The following EIPR1 variants were observed in gnomAD, a reference collection of about 807,000 sequenced individuals.
EIPR1 encodes the protein EARP and GARP complex-interacting protein 1.
EIPR1 carries 25 observed loss-of-function variants against 48.1 expected under a neutral mutation model. The observed-to-expected ratio is 0.52, with a 90% CI of 0.38 to 0.73. EIPR1 has a LOEUF of 0.73. Ranked by LOEUF, EIPR1 falls within the 30% of genes least tolerant of loss-of-function variation. The probability of loss-of-function intolerance (pLI) is 0.00; values close to 1 mark genes in which losing one functional copy is unlikely to be tolerated. For synonymous variants in EIPR1, 204 were observed against 201.9 expected (o/e 1.01, Z -0.09); for missense variants, 415 against 506.2 (o/e 0.82, Z 1.73).
intron 4 of EIPR1, among the ~76,000 whole-genome samples, chr2:3,246,776 AAAGG>A (rs1666811057): frequency 8.6e-6 from 1 of 116,526 alleles, no homozygotes; most frequent in Admixed American, 8.4e-5. Flanking sequence ...AGGGAGGGAG[AAAGG>A]GAGAAACGGA....
chr2:3,294,311 C>A (rs374896486), intron 3 of EIPR1, among the ~76,000 whole-genome samples: 1 of 150,036 alleles, frequency 6.7e-6, no homozygotes, highest in East Asian at 2.0e-4. Flanking sequence ...CCAGCCGATC[C>A]TCTCTGCACA....
rs1428820344 is a variant in EIPR1 at position 3,197,020 on chromosome 2, G to C, written c.517-3C>G. On this transcript the variant is annotated splice_region_variant and splice_polypyrimidine_tract_variant and intron_variant, in intron 5 of 8. Coordinates refer to ENST00000382125, the MANE Select transcript of EIPR1 (RefSeq NM_003310.5). ...TCCAGGGACGCTGAGCTGGCCAGCTGGGAGTGTCACGATGTTTTCCAAAGG... is the reference window on the plus strand; with the variant it reads ...TCCAGGGACGCTGAGCTGGCCAGCTCGGAGTGTCACGATGTTTTCCAAAGG... 1 of 1,613,608 alleles carries C rather than the reference G, an allele frequency of 6.2e-7. No homozygotes were observed. The highest frequency in any genetic ancestry group is 8.5e-7 in the Non-Finnish European group (1 of 1,179,940).
rs547266428 is a variant in EIPR1, at chr2:3,194,181, AGAAC to A, written c.654-19_654-16del. ...AGTAGATCTGGCTGAGGGAGAAGGA[AGAAC>A]AGCAAAGGAAAATAGTAAATGGATT... On this transcript the variant is annotated splice_polypyrimidine_tract_variant and intron_variant, in intron 6 of 8. Coordinates refer to ENST00000382125, the MANE Select transcript of EIPR1 (RefSeq NM_003310.5). 6.2e-7 allele frequency: 1 copy of A among 1,612,500 alleles called. No individual in the cohort carries two copies. Among genetic ancestry groups the A allele is most frequent in the African/African-American group, 1.3e-5 (1 of 75,062 alleles).
At chr2:3,359,530 A>G (rs1422777059) in intron 1 of EIPR1, among the ~76,000 whole-genome samples, 1 of 152,158 alleles carries the variant, frequency 6.6e-6, no homozygotes, top group Non-Finnish European at 1.5e-5. Context: ...AAGAAAAGAC[A>G]CTTCTTTAAA....
chr2:3,339,675 G>A (rs997135353), intron 2 of EIPR1, among the ~76,000 whole-genome samples: 8 of 151,944 alleles, frequency 5.3e-5, no homozygotes, highest in Non-Finnish European at 1.0e-4. Context: ...TGGGCTGGGC[G>A]CGGTGGCTCA....
intron 1 of EIPR1, among the ~76,000 whole-genome samples, chr2:3,363,649 C>CA (rs1272648071): frequency 6.6e-6 from 1 of 152,124 alleles, no homozygotes; most frequent in East Asian, 1.9e-4. Context: ...TGCACCCCTG[C>CA]ACTCCAGCCT....
chr2:3,280,851 A>G (rs1667992586), intron 3 of EIPR1, among the ~76,000 whole-genome samples: 2 of 152,152 alleles, frequency 1.3e-5, no homozygotes, highest in Admixed American at 1.3e-4. Context: ...TGCCCAGGTT[A>G]GAGGTCTGAG....
chr2:3,290,200 G>A (rs909369096), intron 3 of EIPR1, among the ~76,000 whole-genome samples: 2 of 152,220 alleles, frequency 1.3e-5, no homozygotes, highest in African/African-American at 2.4e-5. Flanking sequence ...ACAGTGGCTC[G>A]TCTCGCTCAC....
chr2:3,234,503 T>C (rs544750771), intron 4 of EIPR1, among the ~76,000 whole-genome samples: 4 of 152,272 alleles, frequency 2.6e-5, no homozygotes, highest in Admixed American at 6.5e-5. Flanking sequence ...CGCTCCACAC[T>C]GGGGAGGCCC....
intron 3 of EIPR1, among the ~76,000 whole-genome samples, chr2:3,260,230 C>T (rs1314079709): frequency 1.3e-5 from 2 of 152,158 alleles, no homozygotes; most frequent in African/African-American, 4.8e-5. Flanking sequence ...TGGTGGCTCA[C>T]GCCTGTAATC....
At chr2:3,333,310 G>A (rs910584847) in intron 3 of EIPR1, among the ~76,000 whole-genome samples, 1 of 152,164 alleles carries the variant, frequency 6.6e-6, no homozygotes, top group African/African-American at 2.4e-5. Context: ...AAATGTAAAC[G>A]CTGTTGCTTC....
chr2:3,293,489 G>T (rs2103276949), intron 3 of EIPR1, among the ~76,000 whole-genome samples: 1 of 152,286 alleles, frequency 6.6e-6, no homozygotes, highest in East Asian at 1.9e-4. Flanking sequence ...GAGGGTCCTG[G>T]CACCCAGACA....
Position 3,354,613 on chromosome 2 carries a change from T to C in EIPR1, c.63A>G (p.Gln21=), listed in dbSNP as rs1284771102. ...ACCGAATGGCATCTGTTTCTGCAGT[T>C]TGAGGTGTTAAGGCACGTGCCTGCA... ...LEFQARALTP[Q]TAETDAIRFL... The change falls in exon 2 of 9, where the codon CAA becomes CAG. Residue 21 remains glutamine (Q), a synonymous_variant. Coordinates refer to ENST00000382125, the MANE Select transcript of EIPR1 (RefSeq NM_003310.5). 3.7e-6 allele frequency: 6 copies of C among 1,614,066 alleles called. No homozygotes were observed. The highest frequency in any genetic ancestry group is 4.2e-6 in the Non-Finnish European group (5 of 1,179,968).
At chr2:3,245,858 A>G (rs771655467) in intron 4 of EIPR1, among the ~76,000 whole-genome samples, 18 of 152,346 alleles carry the variant, frequency 1.2e-4, no homozygotes, top group Non-Finnish European at 2.5e-4. Context: ...CAGCAGTTTG[A>G]GACTAGCCTG....
intron 4 of EIPR1, among the ~76,000 whole-genome samples, chr2:3,221,807 C>G (rs1418006828): frequency 2.1e-5 from 3 of 143,908 alleles, no homozygotes; most frequent in African/African-American, 8.4e-5. Context: ...CATTCACAGT[C>G]AGTTGAGGAC....
chr2:3,293,391 C>T lies in EIPR1; in HGVS notation c.260-35936G>A, dbSNP rs766385870. On this transcript the variant is annotated intron_variant, in intron 3 of 8. Transcript: ENST00000382125. Reference sequence around the variant, plus strand: ...TGCTGCTATAGCCTGTGAGTCCATGCGTGGGGAGGGCCTGGACCAATCAGA... The same window carrying T: ...TGCTGCTATAGCCTGTGAGTCCATGTGTGGGGAGGGCCTGGACCAATCAGA... Among the ~76,000 whole-genome samples the T allele has an allele frequency of 2.1e-4, 32 of 152,190 alleles. 1 individual carries two copies. The highest frequency in any genetic ancestry group is 1.6e-3 in the Admixed American group (25 of 15,282).
At chr2:3,263,203 C>A (rs1375195442) in intron 3 of EIPR1, among the ~76,000 whole-genome samples, 5 of 152,160 alleles carry the variant, frequency 3.3e-5, no homozygotes, top group Non-Finnish European at 7.3e-5. Context: ...GATCATGAGG[C>A]AGGGCTCCCA....
At chr2:3,239,711 C>T (rs540015639) in intron 4 of EIPR1, among the ~76,000 whole-genome samples, 1 of 152,194 alleles carries the variant, frequency 6.6e-6, no homozygotes, top group Admixed American at 6.5e-5. Flanking sequence ...CATTAACCCC[C>T]TTTCCACATG....
intron 4 of EIPR1, among the ~76,000 whole-genome samples, chr2:3,250,711 T>C (rs1374341799): frequency 6.6e-6 from 1 of 152,192 alleles, no homozygotes; most frequent in Non-Finnish European, 1.5e-5. Context: ...GGATCCCTCA[T>C]GAAAGGCTGA....
Sources: gnomAD v4.1 joint callset for allele counts (sites outside exome capture counted in the v4.1 genomes callset) on GRCh38, gnomAD v4.1.1 for gene constraint, MANE v1.5 for transcripts, NCBI Gene and HGNC (gene_info 2026-07-23, HGNC 2026-07-21) for gene names.